SETX: variants seen among roughly 807,000 people sequenced by gnomAD.
The protein encoded by SETX is senataxin.
Under a neutral mutation model 227.2 loss-of-function variants are expected in SETX, and 90 were observed. The ratio of observed to expected loss-of-function variants is 0.40; its 90% confidence interval spans 0.33 to 0.47. The LOEUF (loss-of-function observed/expected upper bound fraction) is 0.47, where lower values mean the gene tolerates loss of function less well. SETX is among the 20% of genes least tolerant of loss of function. SETX has a pLI of 0.91. For missense variants in SETX, 3,052 were observed against 3,181.5 expected (o/e 0.96, Z 0.98); for synonymous variants, 1,210 against 1,113.2 (o/e 1.09, Z -1.73).
chr9:132,326,240 G>A (rs1846743773), intron 10 of SETX, 84 bp downstream of exon 10: 2 of 1,102,534 alleles, frequency 1.8e-6, no homozygotes, highest in East Asian at 5.1e-5. Flanking sequence ...CTGATTTTTT[G>A]AACTATACTC....
chr9:132,307,898 C>A (rs772180312), intron 11 of SETX, among the ~76,000 whole-genome samples: 1 of 152,186 alleles, frequency 6.6e-6, no homozygotes, highest in Admixed American at 6.5e-5. Flanking sequence ...AGGCTGGTCT[C>A]GAACTCCTGA....
chr9:132,319,639 G>A (rs1846204360), intron 10 of SETX, among the ~76,000 whole-genome samples: 1 of 152,116 alleles, frequency 6.6e-6, no homozygotes, highest in Non-Finnish European at 1.5e-5. Context: ...TCTTCTGGAT[G>A]TCAGCCAGGT....
At chr9:132,281,125 T>C (rs903512935) in intron 20 of SETX, among the ~76,000 whole-genome samples, 2 of 152,218 alleles carry the variant, frequency 1.3e-5, no homozygotes, top group Admixed American at 1.3e-4. Context: ...TTTTGGTGTT[T>C]GTATGATTAA....
intron 18 of SETX, among the ~76,000 whole-genome samples, chr9:132,284,194 A>G (rs1253761436): frequency 1.3e-5 from 2 of 152,210 alleles, no homozygotes; most frequent in Non-Finnish European, 2.9e-5. Flanking sequence ...GTCCTCAGCC[A>G]CCTAGTGAGT....
intron 12 of SETX, among the ~76,000 whole-genome samples, chr9:132,299,065 G>A (rs887690617): frequency 5.3e-5 from 8 of 152,220 alleles, no homozygotes; most frequent in Admixed American, 5.2e-4. Flanking sequence ...GGACCAGGAG[G>A]CACTAGTAGA....
intron 11 of SETX, 115 bp from the exon 12 acceptor site, chr9:132,300,918 G>A: frequency 1.2e-6 from 1 of 856,660 alleles, no homozygotes; most frequent in South Asian, 1.7e-5. Context: ...CAGCACTAAA[G>A]GACTCTGCAT....
chr9:132,343,494 T>A (rs1400509858), intron 4 of SETX, among the ~76,000 whole-genome samples: 1 of 152,188 alleles, frequency 6.6e-6, no homozygotes, highest in Non-Finnish European at 1.5e-5. Context: ...AAAGTCAGCT[T>A]TACCCCTAAG....
At chr9:132,290,574 CAA>C (rs59954158) in intron 15 of SETX, among the ~76,000 whole-genome samples, 4,017 of 44,140 alleles carry the variant, frequency 0.091, 67 homozygotes, top group Middle Eastern at 0.24. Flanking sequence ...GACTCCGTCT[CAA>C]AAAAAAAAAA....
At position 132,338,652 on chromosome 9, in the gene SETX, C is replaced by T. The variant is rs73548757; in HGVS notation, c.499-2137G>A. ...CCTGATCATTAAATAGAAAACATTCCTTCATATATTTATTAGCTATTGGTA... is the reference window on the plus strand; with the variant it reads ...CCTGATCATTAAATAGAAAACATTCTTTCATATATTTATTAGCTATTGGTA... On this transcript the variant is annotated intron_variant, in intron 5 of 25. Coordinates refer to ENST00000224140, the MANE Select transcript of SETX (RefSeq NM_015046.7). Among the ~76,000 whole-genome samples the T allele has an allele frequency of 1.5e-3, 228 of 151,336 alleles. 1 individual carries two copies. Among genetic ancestry groups the T allele is most frequent in the African/African-American group, 5.2e-3 (216 of 41,208 alleles).
chr9:132,350,932 C>T (rs954597672), intron 2 of SETX, among the ~76,000 whole-genome samples: 5 of 152,120 alleles, frequency 3.3e-5, no homozygotes, highest in African/African-American at 1.2e-4. Context: ...CAGTGATAGC[C>T]GCAGAGTACC....
intron 24 of SETX, among the ~76,000 whole-genome samples, chr9:132,271,130 C>CA (rs1037352663): frequency 2.6e-5 from 4 of 152,076 alleles, no homozygotes; most frequent in African/African-American, 4.8e-5. Context: ...CAAATTTAGC[C>CA]AAAGCAGGAA....
intron 5 of SETX, among the ~76,000 whole-genome samples, chr9:132,339,421 C>A (rs1342383467): frequency 6.6e-6 from 1 of 152,148 alleles, no homozygotes. Flanking sequence ...CCACTGCACT[C>A]CAGCCTGGGT....
At chr9:132,319,269 G>A (rs1199232092) in intron 10 of SETX, among the ~76,000 whole-genome samples, 1 of 152,102 alleles carries the variant, frequency 6.6e-6, no homozygotes. Context: ...TACTATAGTA[G>A]CCCCTTGACT....
At chr9:132,295,148 T>C (rs1382632183) in intron 15 of SETX, among the ~76,000 whole-genome samples, 1 of 152,222 alleles carries the variant, frequency 6.6e-6, no homozygotes, top group African/African-American at 2.4e-5. Flanking sequence ...ATCTTCACTT[T>C]AGTGCCCTGA....
At chr9:132,279,312 T>C (rs2131188820) in intron 20 of SETX, among the ~76,000 whole-genome samples, 1 of 152,158 alleles carries the variant, frequency 6.6e-6, no homozygotes, top group East Asian at 1.9e-4. Context: ...ACACCTAATG[T>C]AAATGACGAG....
chr9:132,314,027 G>T (rs1223710246), intron 10 of SETX, among the ~76,000 whole-genome samples: 2 of 152,076 alleles, frequency 1.3e-5, no homozygotes, highest in Non-Finnish European at 2.9e-5. Flanking sequence ...CGCCTCGTGG[G>T]TTCAAGCGAT....
chr9:132,331,653 C>CATT (rs1360729933), intron 7 of SETX, among the ~76,000 whole-genome samples: 2 of 148,018 alleles, frequency 1.4e-5, no homozygotes, highest in African/African-American at 5.0e-5. Flanking sequence ...TTTTTGCAAG[C>CATT]AATACTATGA....
intron 5 of SETX, among the ~76,000 whole-genome samples, chr9:132,341,871 T>C (rs10118684): frequency 3.9e-5 from 6 of 152,208 alleles, no homozygotes; most frequent in African/African-American, 1.4e-4. Context: ...TATTACTTCA[T>C]GTTTCTGTTC....
chr9:132,331,170 G>A (rs946162229), intron 8 of SETX, 31 bp from the exon 9 acceptor site: 1 of 1,607,844 alleles, frequency 6.2e-7, no homozygotes, highest in Non-Finnish European at 8.5e-7. Flanking sequence ...AGAAATTACT[G>A]AAACGAAGGG....
Sources: gnomAD v4.1 joint callset for allele counts (sites outside exome capture counted in the v4.1 genomes callset) on GRCh38, gnomAD v4.1.1 for gene constraint, MANE v1.5 for transcripts, NCBI Gene and HGNC (gene_info 2026-07-23, HGNC 2026-07-21) for gene names.